Variants in GRIK2 observed in about 807,000 individuals in gnomAD.
The protein encoded by GRIK2 is glutamate receptor ionotropic, kainate 2.
GRIK2 carries 32 observed loss-of-function variants against 100.3 expected under a neutral mutation model. That is an observed-to-expected ratio of 0.32 (90% CI 0.24 to 0.43). The LOEUF is 0.43. Among genes scored for constraint, GRIK2 ranks in the 20% least tolerant of loss-of-function variants. The probability of loss-of-function intolerance (pLI) is 1.00; values close to 1 mark genes in which losing one functional copy is unlikely to be tolerated. For synonymous variants in GRIK2, 417 were observed against 389.4 expected, an observed-to-expected ratio of 1.07 and a Z score of -0.83; for missense variants, 843 against 1,114.9, an observed-to-expected ratio of 0.76 and a Z score of 3.47.
intron 10 of GRIK2, among the ~76,000 whole-genome samples, chr6:101,827,156 G>A (rs553215572): frequency 6.6e-6 from 1 of 152,010 alleles, no homozygotes; most frequent in South Asian, 2.1e-4. Flanking sequence ...CTAAAGTTAT[G>A]TTTCTGAAAT....
intron 7 of GRIK2, among the ~76,000 whole-genome samples, chr6:101,745,841 T>G (rs879028321): frequency 6.6e-6 from 1 of 152,170 alleles, no homozygotes; most frequent in Admixed American, 6.5e-5. Context: ...ATTGAGCTAT[T>G]TCACCATATG....
At chr6:101,891,615 T>C (rs1414105800) in intron 12 of GRIK2, 1 of 400,234 alleles carries the variant, frequency 2.5e-6, no homozygotes, top group Non-Finnish European at 4.8e-6. Flanking sequence ...AAATGCATTA[T>C]TTTTACCTAA....
At chr6:101,846,245 A>G (rs946825311) in intron 10 of GRIK2, among the ~76,000 whole-genome samples, 4 of 152,242 alleles carry the variant, frequency 2.6e-5, no homozygotes, top group African/African-American at 7.2e-5. Flanking sequence ...ATCCAAAATC[A>G]TGAAGTCTTA....
chr6:101,635,112 G>A (rs1246420969), intron 4 of GRIK2, among the ~76,000 whole-genome samples: 1 of 152,002 alleles, frequency 6.6e-6, no homozygotes, highest in Admixed American at 6.6e-5. Context: ...TTATTTTAGG[G>A]AGTGGGGTAA....
chr6:101,521,505 T>A (rs897041937), intron 2 of GRIK2, among the ~76,000 whole-genome samples: 1 of 152,002 alleles, frequency 6.6e-6, no homozygotes, highest in Non-Finnish European at 1.5e-5. Context: ...TTGTACTATA[T>A]TAATTGGCAA....
At chr6:101,523,409 A>G (rs1367264254) in intron 2 of GRIK2, among the ~76,000 whole-genome samples, 1 of 152,196 alleles carries the variant, frequency 6.6e-6, no homozygotes, top group Non-Finnish European at 1.5e-5. Flanking sequence ...AGATGTACAT[A>G]TAACTGTTGA....
intron 2 of GRIK2, among the ~76,000 whole-genome samples, chr6:101,509,538 G>A (rs1200938038): frequency 6.6e-6 from 1 of 152,174 alleles, no homozygotes; most frequent in Non-Finnish European, 1.5e-5. Context: ...GAAAGCTTAG[G>A]AAGAAATTGT....
At chr6:101,599,827 ATTCTT>A (rs1362320878) in intron 2 of GRIK2, among the ~76,000 whole-genome samples, 1 of 151,590 alleles carries the variant, frequency 6.6e-6, no homozygotes, top group Non-Finnish European at 1.5e-5. Context: ...ATATTTTGTG[ATTCTT>A]TTCTTCTATC....
intron 2 of GRIK2, among the ~76,000 whole-genome samples, chr6:101,422,879 G>A (rs1562126188): frequency 6.6e-6 from 1 of 152,118 alleles, no homozygotes; most frequent in Non-Finnish European, 1.5e-5. Context: ...ACTCTGTGTG[G>A]AGTTCTGTAT....
chr6:101,686,395 T>C, intron 7 of GRIK2, 42 bp downstream of exon 7: 1 of 1,436,270 alleles, frequency 7.0e-7, no homozygotes, highest in Non-Finnish European at 9.8e-7. Context: ...TGTTTCTAAA[T>C]AGTATTGCAT....
intron 2 of GRIK2, among the ~76,000 whole-genome samples, chr6:101,446,552 T>A (rs572633590): frequency 6.6e-6 from 1 of 152,008 alleles, no homozygotes; most frequent in South Asian, 2.1e-4. Context: ...AAAATTGTCA[T>A]CTTGTAAAAG....
At chr6:101,502,714 A>C (rs935692034) in intron 2 of GRIK2, among the ~76,000 whole-genome samples, 1 of 152,176 alleles carries the variant, frequency 6.6e-6, no homozygotes, top group Non-Finnish European at 1.5e-5. Flanking sequence ...GTATTGGTGA[A>C]TGGGTTCCAA....
At position 101,490,138 on chromosome 6, in the gene GRIK2, TAGAC is replaced by T. The variant is rs754737586; in HGVS notation, c.115+90748_115+90751del. Among the ~76,000 whole-genome samples, 62 of 143,600 alleles carry T rather than the reference TAGAC, an allele frequency of 4.3e-4. 7 individuals carry two copies. The highest frequency in any genetic ancestry group is 1.1e-3 in the South Asian group (5 of 4,502). 94.2% of individuals were successfully genotyped at this position (143,600 alleles called of 152,430 possible). ...TTACTCTTTACAGAAGAATGAAACA[TAGAC>T]ATACAGAGATATGTAATAAAAATAA... On this transcript the variant is annotated intron_variant, in intron 2 of 16. Transcript: ENST00000369134.
At position 101,640,101 on chromosome 6, in the gene GRIK2, TATAACTC is replaced by T. The variant is rs1170762896; in HGVS notation, c.541+13466_541+13472del. Among the ~76,000 whole-genome samples, 3 of 152,332 alleles carry T rather than the reference TATAACTC, an allele frequency of 2.0e-5. No homozygotes were observed. The East Asian group carries it at 5.8e-4, about 29-fold the overall frequency. Reference sequence around the variant, plus strand: ...CTTATTGTGTAACATATCTTACAGTTATAACTCAAAGCACTTGTTTTTAAATTTAATT... The same window carrying T: ...CTTATTGTGTAACATATCTTACAGTTAAAGCACTTGTTTTTAAATTTAATT... On this transcript the variant is annotated intron_variant, in intron 4 of 16. Coordinates refer to ENST00000369134, the MANE Select transcript of GRIK2 (RefSeq NM_021956.5).
At chr6:101,519,480 A>G (rs1358910506) in intron 2 of GRIK2, among the ~76,000 whole-genome samples, 1 of 152,070 alleles carries the variant, frequency 6.6e-6, no homozygotes, top group Non-Finnish European at 1.5e-5. Context: ...CAGATTTCAC[A>G]GTGTTCCTTG....
At chr6:102,045,987 T>C (rs1310475314) in intron 15 of GRIK2, among the ~76,000 whole-genome samples, 1 of 152,014 alleles carries the variant, frequency 6.6e-6, no homozygotes, top group Non-Finnish European at 1.5e-5. Flanking sequence ...TATTCATAAC[T>C]GAAAGTGAAG....
chr6:101,664,102 G>C (rs1046197080), intron 4 of GRIK2, among the ~76,000 whole-genome samples: 35 of 151,958 alleles, frequency 2.3e-4, no homozygotes, highest in African/African-American at 7.5e-4. Flanking sequence ...TTTATTCTCA[G>C]TTATGGGAGA....
intron 6 of GRIK2, among the ~76,000 whole-genome samples, chr6:101,685,659 G>T (rs932708844): frequency 2.0e-5 from 3 of 152,042 alleles, no homozygotes; most frequent in Non-Finnish European, 4.4e-5. Flanking sequence ...TATTGTTTCT[G>T]CAACCAAAAA....
chr6:101,877,314 A>T (rs932998080), intron 11 of GRIK2, among the ~76,000 whole-genome samples: 6 of 151,950 alleles, frequency 3.9e-5, no homozygotes, highest in Non-Finnish European at 7.4e-5. Context: ...AGGGAAGGAT[A>T]GTTGTGTCTG....
Sources: allele counts gnomAD v4.1 joint callset (sites outside exome capture counted in the v4.1 genomes callset), GRCh38; gene constraint gnomAD v4.1.1; transcripts MANE v1.5; gene names NCBI Gene and HGNC (gene_info 2026-07-23, HGNC 2026-07-21).